CRTC3: variants seen among roughly 807,000 people sequenced by gnomAD.
The protein encoded by CRTC3 is CREB regulated transcription coactivator 3.
In CRTC3, 26 loss-of-function variants were observed where a neutral mutation model predicts 74.5. That is an observed-to-expected ratio of 0.35 (90% CI 0.26 to 0.48). The LOEUF is 0.48. Among genes scored for constraint, CRTC3 ranks in the 20% least tolerant of loss-of-function variants. The pLI, the probability that CRTC3 is intolerant of heterozygous loss-of-function variation, is 0.99. For missense variants in CRTC3, 760 were observed against 787.3 expected, an observed-to-expected ratio of 0.97 and a Z score of 0.41; for synonymous variants, 377 against 325.8, an observed-to-expected ratio of 1.16 and a Z score of -1.69.
chr15:90,592,879 G>A (rs1374446574), intron 2 of CRTC3, among the ~76,000 whole-genome samples: 3 of 152,088 alleles, frequency 2.0e-5, no homozygotes, highest in Admixed American at 6.6e-5. Flanking sequence ...GGGTGGGTGC[G>A]GTGGCTCACA....
At chr15:90,639,082 C>T (rs1481909150) in intron 13 of CRTC3, among the ~76,000 whole-genome samples, 1 of 152,150 alleles carries the variant, frequency 6.6e-6, no homozygotes, top group Non-Finnish European at 1.5e-5. Flanking sequence ...ACTGTAAAAT[C>T]ATGAACACTG....
intron 6 of CRTC3, among the ~76,000 whole-genome samples, chr15:90,611,377 C>A (rs1386108939): frequency 6.6e-6 from 1 of 152,166 alleles, no homozygotes; most frequent in African/African-American, 2.4e-5. Flanking sequence ...AACACAGTTG[C>A]AGCCTTGGTC....
intron 2 of CRTC3, among the ~76,000 whole-genome samples, chr15:90,593,167 C>A (rs946872541): frequency 9.9e-5 from 15 of 152,028 alleles, no homozygotes; most frequent in East Asian, 5.8e-4. Flanking sequence ...AACAAACAAA[C>A]AAAAAAAATT....
Position 90,604,500 on chromosome 15 carries a change from T to C in CRTC3, c.476+53T>C, listed in dbSNP as rs1968165424. The C allele has an allele frequency of 2.2e-6, 3 of 1,342,210 alleles. No individual in the cohort carries two copies. The African/African-American group carries it at 4.3e-5, about 19-fold the overall frequency. The allele number at this position is 1,342,210 out of a possible 1,614,324, so 83.1% of individuals were successfully genotyped here. ...AGATTTTAAAGCAATTTAACTGTCC[T>C]GATATTTTTTACATAGCATCCAGTT... On this transcript the variant is annotated intron_variant, in intron 5 of 14. Coordinates refer to ENST00000268184, the MANE Select transcript of CRTC3 (RefSeq NM_022769.5).
At chr15:90,541,618 C>T (rs1966802670) in intron 2 of CRTC3, among the ~76,000 whole-genome samples, 1 of 152,016 alleles carries the variant, frequency 6.6e-6, no homozygotes, top group Non-Finnish European at 1.5e-5. Flanking sequence ...TGCGGGATTT[C>T]ATACTTCAGG....
chr15:90,542,466 ACTG>A (rs1966818978), intron 2 of CRTC3, among the ~76,000 whole-genome samples: 1 of 152,178 alleles, frequency 6.6e-6, no homozygotes, highest in Non-Finnish European at 1.5e-5. Flanking sequence ...GGCATGAACT[ACTG>A]TGCCCTGCTG....
chr15:90,618,539 C>T (rs532722722), intron 8 of CRTC3, among the ~76,000 whole-genome samples: 3 of 152,342 alleles, frequency 2.0e-5, no homozygotes, highest in East Asian at 1.9e-4. Context: ...GGAGGTCCCA[C>T]GGTACTTGCC....
At chr15:90,604,102 A>G (rs778761892) in intron 4 of CRTC3, 12 of 303,714 alleles carry the variant, frequency 4.0e-5, no homozygotes, top group Non-Finnish European at 7.5e-5. Flanking sequence ...CGCCCCCTAC[A>G]TGCACACTGA....
At chr15:90,596,406 T>C (rs1213832701) in intron 3 of CRTC3, 2 of 152,200 alleles carry the variant, frequency 1.3e-5, no homozygotes, top group Non-Finnish European at 2.9e-5. Flanking sequence ...TGGCACTGTA[T>C]GGATCAACTT....
Position 90,645,131 on chromosome 15 carries a change from A to G in CRTC3, c.*2991A>G, listed in dbSNP as rs1969578632. The G allele has an allele frequency of 4.4e-6, 1 of 229,762 alleles. No homozygotes were observed. Among genetic ancestry groups the G allele is most frequent in the South Asian group, 1.8e-4 (1 of 5,490 alleles). The allele number at this position is 229,762 out of a possible 1,614,324, so 14.2% of individuals were successfully genotyped here. A position where few individuals can be genotyped will look rare whatever the true frequency, so the allele number is the denominator to read the frequency against. On this transcript the variant is annotated 3_prime_UTR_variant, in exon 15 of 15. Coordinates refer to ENST00000268184, the MANE Select transcript of CRTC3 (RefSeq NM_022769.5). ...GTTCCCACTCTTGTTGGCTCTTCTG[A>G]TTTATGCACAGATGGTTCCCAGCAT... is the stretch of plus-strand genomic sequence containing the variant.
Position 90,642,546 on chromosome 15 carries a change from G to A in CRTC3, c.*406G>A, listed in dbSNP as rs1330992484. ...TCCGCACCGAAGGCGGGCCCGGAGT[G>A]GGAGGCTCGGCCTGGGGCGGCGGCA... On this transcript the variant is annotated 3_prime_UTR_variant, in exon 15 of 15. Transcript: ENST00000268184. 9.5e-6 allele frequency: 3 copies of A among 317,400 alleles called. No individual in the cohort carries two copies. The highest frequency in any genetic ancestry group is 2.1e-5 in the African/African-American group (1 of 47,494). The allele number at this position is 317,400 out of a possible 1,614,324, so 19.7% of individuals were successfully genotyped here.
At chr15:90,545,954 C>G (rs1275896046) in intron 2 of CRTC3, among the ~76,000 whole-genome samples, 3 of 152,094 alleles carry the variant, frequency 2.0e-5, no homozygotes, top group Admixed American at 6.6e-5. Context: ...GATACCAGTT[C>G]TTTATCAGAT....
chr15:90,614,597 G>T, intron 7 of CRTC3, 109 bp downstream of exon 7: 1 of 718,086 alleles, frequency 1.4e-6, no homozygotes, highest in Non-Finnish European at 2.4e-6. Context: ...TCCCCCAAAT[G>T]CTGACAACTG....
chr15:90,635,749 G>A (rs192321416), intron 11 of CRTC3, among the ~76,000 whole-genome samples: 11 of 146,106 alleles, frequency 7.5e-5, no homozygotes, highest in South Asian at 2.1e-4. Flanking sequence ...TCAGGATTCC[G>A]GCATCCTGTG....
intron 2 of CRTC3, among the ~76,000 whole-genome samples, chr15:90,542,802 C>T (rs1395485565): frequency 6.6e-6 from 1 of 152,140 alleles, no homozygotes; most frequent in Non-Finnish European, 1.5e-5. Context: ...CGTTTGTGAT[C>T]CTGTCACATT....
intron 2 of CRTC3, among the ~76,000 whole-genome samples, chr15:90,550,450 T>TTTG (rs1171231366): frequency 6.7e-6 from 1 of 150,148 alleles, no homozygotes; most frequent in Non-Finnish European, 1.5e-5. Context: ...CTTTGCCTGT[T>TTTG]TTTTTTTTTT....
intron 13 of CRTC3, among the ~76,000 whole-genome samples, chr15:90,639,432 G>C (rs1567198481): frequency 1.3e-5 from 2 of 149,232 alleles, no homozygotes; most frequent in African/African-American, 2.5e-5. Flanking sequence ...AAGAAGGGTT[G>C]AACAGGTTCC....
chr15:90,644,713 G>A lies in CRTC3; in HGVS notation c.*2573G>A, dbSNP rs548652411. 24 of 232,612 alleles carry A rather than the reference G, an allele frequency of 1.0e-4. No homozygotes were observed. Among genetic ancestry groups the A allele is most frequent in the African/African-American group, 5.1e-4 (23 of 45,416 alleles). The allele number at this position is 232,612 out of a possible 1,614,324, so 14.4% of individuals were successfully genotyped here. A position where few individuals can be genotyped will look rare whatever the true frequency, so the allele number is the denominator to read the frequency against. ...TAGAAGGTGTGGAGGACTCACCACG[G>A]GCAGGGTCGCCCTGGCCCACAGCAC... is the stretch of plus-strand genomic sequence containing the variant. On this transcript the variant is annotated 3_prime_UTR_variant, in exon 15 of 15. Coordinates refer to ENST00000268184, the MANE Select transcript of CRTC3 (RefSeq NM_022769.5).
chr15:90,638,709 A>C (rs753709476), intron 12 of CRTC3, 26 bp from the exon 13 acceptor site: 2 of 1,613,478 alleles, frequency 1.2e-6, no homozygotes, highest in South Asian at 1.1e-5. Context: ...TTCCAAGCTA[A>C]ATGATCATCT....
Sources: allele counts gnomAD v4.1 joint callset (sites outside exome capture counted in the v4.1 genomes callset), GRCh38; gene constraint gnomAD v4.1.1; transcripts MANE v1.5; gene names NCBI Gene and HGNC (gene_info 2026-07-23, HGNC 2026-07-21).